Variants in TMEM132C observed in about 807,000 individuals in gnomAD.
TMEM132C encodes transmembrane protein 132C.
A neutral mutation model predicts 61.4 loss-of-function variants in TMEM132C; 29 were observed. The observed-to-expected ratio is 0.47, with a 90% confidence interval of 0.35 to 0.64. TMEM132C has a LOEUF of 0.64. Among genes scored for constraint, TMEM132C ranks in the 30% least tolerant of loss-of-function variants. The pLI, the probability that TMEM132C is intolerant of heterozygous loss-of-function variation, is 0.00. For synonymous variants in TMEM132C, 656 were observed against 633.1 expected, an observed-to-expected ratio of 1.04 and a Z score of -0.54; for missense variants, 1,408 against 1,476.9, an observed-to-expected ratio of 0.95 and a Z score of 0.76.
At chr12:128,423,896 A>G (rs1030922292) in intron 2 of TMEM132C, among the ~76,000 whole-genome samples, 5 of 151,666 alleles carry the variant, frequency 3.3e-5, no homozygotes, top group African/African-American at 1.2e-4. Flanking sequence ...AGGGAAAAAA[A>G]TTAGCTGGGC....
chr12:128,597,823 G>A (rs771941646), intron 3 of TMEM132C, among the ~76,000 whole-genome samples: 3 of 152,208 alleles, frequency 2.0e-5, no homozygotes, highest in African/African-American at 2.4e-5. Context: ...TGCCTGAGGC[G>A]GGTGTTTAAG....
At chr12:128,339,882 C>G (rs1013595003) in intron 1 of TMEM132C, among the ~76,000 whole-genome samples, 27 of 152,188 alleles carry the variant, frequency 1.8e-4, no homozygotes, top group African/African-American at 6.3e-4. Flanking sequence ...CTTGGCAGAA[C>G]TGTGTCCACA....
intron 1 of TMEM132C, among the ~76,000 whole-genome samples, chr12:128,340,793 C>CTCTCTCTCTTTCTT (rs879701060): frequency 0.083 from 10,742 of 129,578 alleles, 778 homozygotes; most frequent in African/African-American, 0.28. Flanking sequence ...CTCTCTCTCT[C>CTCTCTCTCTTTCTT]TCTCTCTTTC....
chr12:128,427,428 G>GTGTATGTA (rs1359402190), intron 2 of TMEM132C, among the ~76,000 whole-genome samples: 3 of 129,196 alleles, frequency 2.3e-5, no homozygotes, highest in African/African-American at 8.9e-5. Context: ...GTGTGTGTGT[G>GTGTATGTA]TATATATATT....
Position 128,705,381 on chromosome 12 carries a change from G to T in TMEM132C, c.2413G>T (p.Asp805Tyr). ...GGTCAAGTTCGGACAGAACGATGCT[G>T]ACTCCAGCCCCGGCGGGGACTATGA... is the stretch of plus-strand genomic sequence containing the variant. ...VRVKFGQNDA[D>Y]SSPGGDYEED... The change falls in exon 9 of 9, where the codon GAC becomes TAC. Residue 805 changes from aspartate to tyrosine, a missense_variant. Asp to Tyr is a radical substitution (Grantham distance 160, BLOSUM62 -3). Coordinates refer to ENST00000435159, the MANE Select transcript of TMEM132C (RefSeq NM_001136103.3). 6.4e-7 allele frequency: 1 copy of T among 1,551,304 alleles called. No homozygotes were observed. Among genetic ancestry groups the T allele is most frequent in the South Asian group, 1.2e-5 (1 of 84,050 alleles).
At chr12:128,355,741 C>G (rs1433212965) in intron 1 of TMEM132C, among the ~76,000 whole-genome samples, 1 of 152,100 alleles carries the variant, frequency 6.6e-6, no homozygotes, top group Non-Finnish European at 1.5e-5. Context: ...CAGGCAAGCT[C>G]CCACCTCAGG....
At chr12:128,660,128 C>T (rs1035227327) in intron 4 of TMEM132C, among the ~76,000 whole-genome samples, 5 of 152,116 alleles carry the variant, frequency 3.3e-5, no homozygotes, top group East Asian at 1.9e-4. Context: ...ATGCTGCTGT[C>T]GACACCAAAG....
chr12:128,572,040 A>T (rs1354121731), intron 3 of TMEM132C, among the ~76,000 whole-genome samples: 1 of 151,900 alleles, frequency 6.6e-6, no homozygotes, highest in Non-Finnish European at 1.5e-5. Flanking sequence ...CCTGGGTCAC[A>T]TTCCTACTGT....
At chr12:128,682,684 G>T (rs1331427826) in intron 5 of TMEM132C, among the ~76,000 whole-genome samples, 3 of 152,190 alleles carry the variant, frequency 2.0e-5, no homozygotes, top group Admixed American at 6.5e-5. Flanking sequence ...AGCATCGCCC[G>T]CCCCAGGTGG....
At chr12:128,353,710 C>T (rs1006038043) in intron 1 of TMEM132C, among the ~76,000 whole-genome samples, 4 of 152,138 alleles carry the variant, frequency 2.6e-5, no homozygotes, top group African/African-American at 9.7e-5. Flanking sequence ...GCTGTCTCTG[C>T]CTTGGCTCTG....
intron 4 of TMEM132C, among the ~76,000 whole-genome samples, chr12:128,648,490 GA>G (rs1948948862): frequency 6.6e-6 from 1 of 151,916 alleles, no homozygotes; most frequent in East Asian, 1.9e-4. Context: ...CATTGGATAT[GA>G]GTGTGTTTAC....
At chr12:128,390,669 A>G (rs1252936226) in intron 1 of TMEM132C, among the ~76,000 whole-genome samples, 1 of 152,168 alleles carries the variant, frequency 6.6e-6, no homozygotes, top group East Asian at 1.9e-4. Flanking sequence ...GAGAGGGGAC[A>G]TTATTCTGTC....
chr12:128,294,252 C>T (rs1463304596), intron 1 of TMEM132C: 1 of 154,088 alleles, frequency 6.5e-6, no homozygotes, highest in Non-Finnish European at 1.5e-5. Context: ...AGCAGACCAA[C>T]AGGAGCAAGG....
intron 3 of TMEM132C, among the ~76,000 whole-genome samples, chr12:128,567,825 AAGGTTCT>A (rs1438970873): frequency 2.0e-5 from 3 of 152,162 alleles, no homozygotes; most frequent in Admixed American, 2.0e-4. Flanking sequence ...GTCTGATGTG[AAGGTTCT>A]AGGCTACAAT....
At chr12:128,279,158 T>C (rs1870799120) in intron 1 of TMEM132C, among the ~76,000 whole-genome samples, 1 of 152,172 alleles carries the variant, frequency 6.6e-6, no homozygotes, top group Admixed American at 6.5e-5. Flanking sequence ...TTGTTTTCTC[T>C]CTCACATATC....
intron 4 of TMEM132C, among the ~76,000 whole-genome samples, chr12:128,621,844 A>G (rs1953966022): frequency 6.6e-6 from 1 of 152,168 alleles, no homozygotes; most frequent in African/African-American, 2.4e-5. Flanking sequence ...AGCTGGGACT[A>G]GCGTGGGGTG....
chr12:128,326,989 T>C lies in TMEM132C; in HGVS notation c.85+59502T>C, dbSNP rs1872542230. On this transcript the variant is annotated intron_variant, in intron 1 of 8. Transcript: ENST00000435159. This position sits in a 1 kb window ranked among gnomAD's most constrained non-coding sequence, Gnocchi z 5.6. ...TAAAATTTACTTTTAGTGGTGTAAT[T>C]TTTCCTTTTAGGTTTTCTTTTATCC... 6.7e-6 allele frequency among the ~76,000 whole-genome samples: 1 copy of C among 149,886 alleles called. No homozygotes were observed. Among genetic ancestry groups the C allele is most frequent in the South Asian group, 2.1e-4 (1 of 4,828 alleles).
intron 5 of TMEM132C, among the ~76,000 whole-genome samples, chr12:128,691,295 G>A (rs1195705035): frequency 1.3e-5 from 2 of 152,232 alleles, no homozygotes; most frequent in Admixed American, 6.5e-5. Flanking sequence ...AACTTCTTGT[G>A]TTTTTGTAGC....
At chr12:128,342,655 A>G (rs1260587894) in intron 1 of TMEM132C, among the ~76,000 whole-genome samples, 1 of 152,196 alleles carries the variant, frequency 6.6e-6, no homozygotes, top group Admixed American at 6.5e-5. Flanking sequence ...CCACAAGCCA[A>G]GGCTCCTCTT....
Sources: allele counts gnomAD v4.1 joint callset (sites outside exome capture counted in the v4.1 genomes callset), GRCh38; gene constraint gnomAD v4.1.1; non-coding constraint Gnocchi (gnomAD v3.1); transcripts MANE v1.5; gene names NCBI Gene and HGNC (gene_info 2026-07-23, HGNC 2026-07-21).